Variants in ZNF215 observed in about 807,000 individuals in gnomAD.
ZNF215 encodes the protein BWSCR2-associated zinc finger protein 2.
Under a neutral mutation model 27.2 loss-of-function variants are expected in ZNF215, and 24 were observed. The observed-to-expected ratio is 0.88, with a 90% CI of 0.64 to 1.24. The LOEUF (loss-of-function observed/expected upper bound fraction) is 1.24, where lower values mean the gene tolerates loss of function less well. Ranked by LOEUF, ZNF215 falls within the 50% of genes most tolerant of loss-of-function variation. ZNF215 has a pLI of 0.00. For missense variants in ZNF215, 675 were observed against 605.7 expected (o/e 1.11, Z -1.20); for synonymous variants, 210 against 204.0 (o/e 1.03, Z -0.25).
downstream of ZNF215, among the ~76,000 whole-genome samples, chr11:6,959,545 G>A (rs1014887004): frequency 6.6e-6 from 1 of 152,238 alleles, no homozygotes; most frequent in African/African-American, 2.4e-5. Flanking sequence ...AATAAAATTC[G>A]TTGAAAAACT....
chr11:6,978,387 A>T (rs750912675), intron 5 of ZNF215, among the ~76,000 whole-genome samples: 1 of 152,012 alleles, frequency 6.6e-6, no homozygotes, highest in Non-Finnish European at 1.5e-5. Context: ...TAGAACAGAG[A>T]TTACCTCTGG....
chr11:6,990,499 G>A (rs1438093207), downstream of ZNF215, among the ~76,000 whole-genome samples: 2 of 152,198 alleles, frequency 1.3e-5, no homozygotes, highest in Admixed American at 1.3e-4. Context: ...AGAAAAAAAT[G>A]GCTGCCTCCA....
intron 3 of ZNF215, among the ~76,000 whole-genome samples, chr11:6,940,876 G>A (rs1352338344): frequency 6.6e-6 from 1 of 152,180 alleles, no homozygotes; most frequent in Non-Finnish European, 1.5e-5. Context: ...TTGAATAAAT[G>A]TAATGTTTTA....
chr11:6,986,893 C>G (rs772200044), downstream of ZNF215, among the ~76,000 whole-genome samples: 14 of 151,920 alleles, frequency 9.2e-5, no homozygotes, highest in Non-Finnish European at 1.6e-4. Context: ...ATCTGTTTCT[C>G]TGTTTCCCTG....
chr11:6,983,101 A>T (rs1850993652), intron 5 of ZNF215, among the ~76,000 whole-genome samples: 1 of 152,170 alleles, frequency 6.6e-6, no homozygotes, highest in African/African-American at 2.4e-5. Context: ...ACAGAAATAC[A>T]AACTACCATC....
chr11:6,993,641 A>C (rs2133368050), downstream of ZNF215, among the ~76,000 whole-genome samples: 1 of 152,270 alleles, frequency 6.6e-6, no homozygotes, highest in East Asian at 1.9e-4. Flanking sequence ...AGAGATAAGC[A>C]GTGTTCTATG....
intron 5 of ZNF215, among the ~76,000 whole-genome samples, chr11:6,974,111 A>C (rs2133340664): frequency 6.6e-6 from 1 of 152,196 alleles, no homozygotes; most frequent in Non-Finnish European, 1.5e-5. Flanking sequence ...CTTTCTACAT[A>C]TGGCTAGCCA....
intron 6 of ZNF215, among the ~76,000 whole-genome samples, chr11:6,950,165 G>A (rs532431287): frequency 4.7e-5 from 7 of 149,920 alleles, no homozygotes; most frequent in South Asian, 2.1e-4. Context: ...GTCAGGTAGC[G>A]TGATGCCTCC....
chr11:6,942,872 G>C (rs547819871), intron 4 of ZNF215, among the ~76,000 whole-genome samples: 7 of 152,114 alleles, frequency 4.6e-5, no homozygotes, highest in Non-Finnish European at 7.4e-5. Flanking sequence ...CTTTTCTTTT[G>C]TATCCCTAAC....
chr11:6,935,813 C>T (rs1849417564), intron 3 of ZNF215, among the ~76,000 whole-genome samples: 2 of 152,018 alleles, frequency 1.3e-5, no homozygotes, highest in Admixed American at 1.3e-4. Context: ...GACTAAAAAA[C>T]ATGTTTCAGT....
At position 6,932,186 on chromosome 11, in the gene ZNF215, T is replaced by C; in HGVS notation, c.-87T>C. On this transcript the variant is annotated 5_prime_UTR_variant, in exon 3 of 7. Coordinates refer to ENST00000278319, the MANE Select transcript of ZNF215 (RefSeq NM_013250.4). ...AACTTGGCTTAAATCACACTGCATATAGTACACAGGTGCTTAGCTCAAGCC... is the reference window on the plus strand; with the variant it reads ...AACTTGGCTTAAATCACACTGCATACAGTACACAGGTGCTTAGCTCAAGCC... 1 of 1,503,796 alleles carries C rather than the reference T, an allele frequency of 6.6e-7. No individual in the cohort carries two copies. Among genetic ancestry groups the C allele is most frequent in the South Asian group, 1.3e-5 (1 of 75,100 alleles). The allele number at this position is 1,503,796 out of a possible 1,614,324, so 93.2% of individuals were successfully genotyped here.
chr11:6,945,906 T>C (rs889636103), intron 6 of ZNF215, among the ~76,000 whole-genome samples: 5 of 152,216 alleles, frequency 3.3e-5, no homozygotes, highest in African/African-American at 9.6e-5. Context: ...TTATATATGC[T>C]ATGACATTTC....
chr11:6,935,814 A>T (rs75523844), intron 3 of ZNF215, among the ~76,000 whole-genome samples: 1 of 152,124 alleles, frequency 6.6e-6, no homozygotes, highest in Non-Finnish European at 1.5e-5. Context: ...ACTAAAAAAC[A>T]TGTTTCAGTA....
chr11:6,932,090 T>G lies in ZNF215; in HGVS notation c.-179-4T>G. 1 of 600,622 alleles carries G rather than the reference T, an allele frequency of 1.7e-6. No individual in the cohort carries two copies. The highest frequency in any genetic ancestry group is 2.7e-6 in the Non-Finnish European group (1 of 364,698). The allele number at this position is 600,622 out of a possible 1,614,324, so 37.2% of individuals were successfully genotyped here. ...CCTGTGGGTTAATTTCTATCTTTTTTCAGTTGCTCAGGTACCTGAATATTG... is the reference window on the plus strand; with the variant it reads ...CCTGTGGGTTAATTTCTATCTTTTTGCAGTTGCTCAGGTACCTGAATATTG... On this transcript the variant is annotated splice_polypyrimidine_tract_variant and splice_region_variant and intron_variant, in intron 2 of 6. Coordinates refer to ENST00000278319, the MANE Select transcript of ZNF215 (RefSeq NM_013250.4).
At chr11:6,973,916 A>G (rs950040878) in intron 5 of ZNF215, among the ~76,000 whole-genome samples, 1 of 152,136 alleles carries the variant, frequency 6.6e-6, no homozygotes, top group African/African-American at 2.4e-5. Context: ...CCATTTGTCA[A>G]TTTTGGCTTT....
chr11:6,928,243 A>G (rs904953243), intron 2 of ZNF215, among the ~76,000 whole-genome samples: 1 of 152,120 alleles, frequency 6.6e-6, no homozygotes, highest in Non-Finnish European at 1.5e-5. Flanking sequence ...CATTTTATCT[A>G]GTTTTATTTA....
chr11:6,988,407 T>G (rs769465161), downstream of ZNF215: 9 of 262,188 alleles, frequency 3.4e-5, no homozygotes, highest in Non-Finnish European at 5.3e-5. Context: ...TAGGCTTTAA[T>G]GTAACTGATT....
intron 5 of ZNF215, among the ~76,000 whole-genome samples, chr11:6,976,195 A>AT (rs962631944): frequency 2.9e-4 from 44 of 152,070 alleles, no homozygotes; most frequent in Non-Finnish European, 4.6e-4. Flanking sequence ...GGATTATTAG[A>AT]TTTTTTCCTA....
downstream of ZNF215, among the ~76,000 whole-genome samples, chr11:6,992,895 C>T (rs1396231793): frequency 6.6e-6 from 1 of 151,952 alleles, no homozygotes; most frequent in Non-Finnish European, 1.5e-5. Context: ...CCTGGCCAGT[C>T]ACAATGCACA....
Sources: gnomAD v4.1 joint callset for allele counts (sites outside exome capture counted in the v4.1 genomes callset) on GRCh38, gnomAD v4.1.1 for gene constraint, MANE v1.5 for transcripts, NCBI Gene and HGNC (gene_info 2026-07-23, HGNC 2026-07-21) for gene names.